FBXO32: variants seen among roughly 807,000 people sequenced by gnomAD.
The protein encoded by FBXO32 is F-box only protein 32.
FBXO32 carries 15 observed loss-of-function variants against 48.3 expected under a neutral mutation model. The ratio of observed to expected loss-of-function variants is 0.31; its 90% confidence interval spans 0.21 to 0.48. The LOEUF (loss-of-function observed/expected upper bound fraction) is 0.48. Among genes scored for constraint, FBXO32 ranks in the 20% least tolerant of loss-of-function variants. The pLI is 0.99. For missense variants in FBXO32, 309 were observed against 432.7 expected, an observed-to-expected ratio of 0.71 and a Z score of 2.54; for synonymous variants, 154 against 165.9, an observed-to-expected ratio of 0.93 and a Z score of 0.55.
intron 6 of FBXO32, among the ~76,000 whole-genome samples, chr8:123,510,909 G>A (rs1816722419): frequency 2.0e-5 from 3 of 152,234 alleles, no homozygotes; most frequent in African/African-American, 7.2e-5. Flanking sequence ...AAGGTGATAT[G>A]ATGGTGATGT....
Position 123,506,529 on chromosome 8 carries a change from G to T in FBXO32, c.697C>A (p.Gln233Lys). Reference protein sequence around the residue: ...LTFTDLPLCLQLNIMQRLSDG... With the variant: ...LTFTDLPLCLKLNIMQRLSDG... Reference sequence around the variant, plus strand: ...CTCAGCCTCTGCATGATGTTCAGTTGTAGGCACAAAGGCAGGTCAGTGAAG... The same window carrying T: ...CTCAGCCTCTGCATGATGTTCAGTTTTAGGCACAAAGGCAGGTCAGTGAAG... Residue 233 changes from glutamine to lysine, a missense_variant, in exon 7 of 9, where the codon CAA becomes AAA. Transcript: ENST00000517956. This position sits in a 1 kb window ranked among gnomAD's most constrained non-coding sequence, Gnocchi z 4.0. 2.5e-6 allele frequency: 4 copies of T among 1,611,856 alleles called. No homozygotes were observed. Among genetic ancestry groups the T allele is most frequent in the Non-Finnish European group, 3.4e-6 (4 of 1,178,342 alleles).
chr8:123,541,198 G>T lies in FBXO32; in HGVS notation c.-184C>A, dbSNP rs1046794386. 14 of 364,992 alleles carry T rather than the reference G, an allele frequency of 3.8e-5. No homozygotes were observed. In the Admixed American group the frequency reaches 6.1e-4, roughly 16 times the overall value. 22.6% of individuals were successfully genotyped at this position (364,992 alleles called of 1,614,324 possible). A position where few individuals can be genotyped will look rare whatever the true frequency, so the allele number is the denominator to read the frequency against. On this transcript the variant is annotated 5_prime_UTR_variant, in exon 1 of 9. Transcript: ENST00000517956. ...GAGGATCTCAAGCGTTGCAGGCTCC[G>T]GGAGTGCTGCGCGGCAGTAGCTGCC...
At position 123,498,252 on chromosome 8, in the gene FBXO32, T is replaced by G. The variant is rs1474365625; in HGVS notation, c.*5121A>C. The G allele has an allele frequency of 6.6e-6, 1 of 152,248 alleles. No homozygotes were observed. The highest frequency in any genetic ancestry group is 1.5e-5 in the Non-Finnish European group (1 of 68,044). The allele number at this position is 152,248 out of a possible 1,614,324, so 9.4% of individuals were successfully genotyped here. A position where few individuals can be genotyped will look rare whatever the true frequency, so the allele number is the denominator to read the frequency against. ...CAAGTATAGAATACAGCTTGGAGCC[T>G]TCTGCTTAACAGACTTGTGCTTCGT... is the stretch of plus-strand genomic sequence containing the variant. On this transcript the variant is annotated 3_prime_UTR_variant, in exon 9 of 9. Coordinates refer to ENST00000517956, the MANE Select transcript of FBXO32 (RefSeq NM_058229.4).
chr8:123,506,639 T>C lies in FBXO32; in HGVS notation c.652-65A>G. 3.6e-6 allele frequency: 5 copies of C among 1,396,528 alleles called. No individual in the cohort carries two copies. Among genetic ancestry groups the C allele is most frequent in the Non-Finnish European group, 3.9e-6 (4 of 1,018,472 alleles). The allele number at this position is 1,396,528 out of a possible 1,614,324, so 86.5% of individuals were successfully genotyped here. On this transcript the variant is annotated intron_variant, in intron 6 of 8. Coordinates refer to ENST00000517956, the MANE Select transcript of FBXO32 (RefSeq NM_058229.4). This position sits in a 1 kb window ranked among gnomAD's most constrained non-coding sequence, Gnocchi z 4.0. ...AGCAGCGATTCACCAGGCCACACCCTCCAGGCATGCAGCTGTGCCCGTCCT... is the reference window on the plus strand; with the variant it reads ...AGCAGCGATTCACCAGGCCACACCCCCCAGGCATGCAGCTGTGCCCGTCCT...
intron 6 of FBXO32, among the ~76,000 whole-genome samples, chr8:123,512,138 C>T (rs559236580): frequency 6.6e-6 from 1 of 152,238 alleles, no homozygotes; most frequent in Admixed American, 6.5e-5. Context: ...GACTTGCATC[C>T]GTGCTCTGCT....
chr8:123,537,684 T>C (rs1353082570), intron 1 of FBXO32, among the ~76,000 whole-genome samples: 1 of 152,202 alleles, frequency 6.6e-6, no homozygotes, highest in African/African-American at 2.4e-5. Context: ...GCACCCGGAA[T>C]GCTCTGGTGA....
intron 1 of FBXO32, among the ~76,000 whole-genome samples, chr8:123,536,108 T>A (rs1817305252): frequency 6.6e-6 from 1 of 152,200 alleles, no homozygotes. Context: ...ACATGTGACA[T>A]CTCCAACAAT....
chr8:123,512,048 G>T (rs986472841), intron 6 of FBXO32, among the ~76,000 whole-genome samples: 2 of 152,110 alleles, frequency 1.3e-5, no homozygotes, highest in Non-Finnish European at 1.5e-5. Context: ...TAAATTATTA[G>T]AATAAATCAG....
At chr8:123,512,661 A>G (rs2130515216) in intron 6 of FBXO32, among the ~76,000 whole-genome samples, 1 of 152,020 alleles carries the variant, frequency 6.6e-6, no homozygotes, top group East Asian at 1.9e-4. Context: ...CACTGGTAAT[A>G]TACGGCTTTT....
In FBXO32 at chr8:123,525,663, A is replaced by G. The variant is rs1027668316; in HGVS notation, c.372+6235T>C. Among the ~76,000 whole-genome samples, 5 of 152,232 alleles carry G rather than the reference A, an allele frequency of 3.3e-5. No individual in the cohort carries two copies. The highest frequency in any genetic ancestry group is 7.3e-5 in the Non-Finnish European group (5 of 68,030). The stretch of plus-strand genomic sequence containing the variant: ...AGAACCAGGCTTAGGTCCTGCCTTT[A>G]TTCCACGTCCCTTCCTGGGCAGGCA... On this transcript the variant is annotated intron_variant, in intron 4 of 8. Coordinates refer to ENST00000517956, the MANE Select transcript of FBXO32 (RefSeq NM_058229.4). This position sits in a 1 kb window ranked among gnomAD's most constrained non-coding sequence, Gnocchi z 4.3.
intron 4 of FBXO32, among the ~76,000 whole-genome samples, chr8:123,530,916 CTT>C (rs904795067): frequency 3.7e-5 from 5 of 136,812 alleles, no homozygotes; most frequent in Non-Finnish European, 6.3e-5. Context: ...TGCACCCAGC[CTT>C]TTTTTTTTTT....
intron 4 of FBXO32, among the ~76,000 whole-genome samples, chr8:123,518,503 G>A (rs1441064948): frequency 6.6e-6 from 1 of 152,104 alleles, no homozygotes; most frequent in Non-Finnish European, 1.5e-5. Context: ...TACTATGTTG[G>A]TGATACATTT....
At chr8:123,532,271 A>C in intron 3 of FBXO32, 1 of 942,458 alleles carries the variant, frequency 1.1e-6, no homozygotes, top group Non-Finnish European at 1.4e-6. Context: ...TTTTCCACAT[A>C]TTAGTCTGGA....
rs180803777 is a variant in FBXO32, at chr8:123,518,617, G to A, written c.373-4284C>T. On this transcript the variant is annotated intron_variant, in intron 4 of 8. Transcript: ENST00000517956. The stretch of plus-strand genomic sequence containing the variant: ...TTTTGCTAACAATAACAATAACAAT[G>A]GGGTGCTTACTATGTGTCAGCAACT... 1.2e-3 allele frequency among the ~76,000 whole-genome samples: 190 copies of A among 152,196 alleles called. 1 individual carries two copies. Among genetic ancestry groups the A allele is most frequent in the Non-Finnish European group, 2.2e-3 (152 of 68,006 alleles).
chr8:123,521,803 C>G (rs1475962971), intron 4 of FBXO32, among the ~76,000 whole-genome samples: 3 of 152,092 alleles, frequency 2.0e-5, no homozygotes, highest in Non-Finnish European at 4.4e-5. Context: ...CCTCAAGCAG[C>G]CTTGCCATGC....
intron 1 of FBXO32, among the ~76,000 whole-genome samples, chr8:123,536,041 A>T (rs1817304025): frequency 6.6e-6 from 1 of 152,198 alleles, no homozygotes; most frequent in Non-Finnish European, 1.5e-5. Context: ...TTTGTTATTA[A>T]TACAATAGTC....
chr8:123,504,542 G>A, intron 8 of FBXO32, 62 bp downstream of exon 8: 1 of 1,525,182 alleles, frequency 6.6e-7, no homozygotes, highest in Middle Eastern at 1.8e-4. Context: ...CATGCTGGCT[G>A]GCACTCTTGG....
At chr8:123,517,617 T>C (rs529200355) in intron 4 of FBXO32, among the ~76,000 whole-genome samples, 1 of 151,906 alleles carries the variant, frequency 6.6e-6, no homozygotes, top group South Asian at 2.1e-4. Flanking sequence ...GTCCACCCTG[T>C]GCTAGCATCG....
intron 6 of FBXO32, among the ~76,000 whole-genome samples, chr8:123,508,704 T>C (rs1490697731): frequency 2.6e-5 from 4 of 152,242 alleles, no homozygotes; most frequent in Admixed American, 2.6e-4. Context: ...GCTGATCATA[T>C]GAGCTAATAA....
Sources: gnomAD v4.1 joint callset for allele counts (sites outside exome capture counted in the v4.1 genomes callset) on GRCh38, gnomAD v4.1.1 for gene constraint, Gnocchi (gnomAD v3.1) non-coding constraint, MANE v1.5 for transcripts, NCBI Gene and HGNC (gene_info 2026-07-23, HGNC 2026-07-21) for gene names.